Variants in ZNF277 observed in about 807,000 individuals in gnomAD.
The protein encoded by ZNF277 is nuclear receptor-interacting factor 4.
Under a neutral mutation model 60.7 loss-of-function variants are expected in ZNF277, and 55 were observed. The ratio of observed to expected loss-of-function variants is 0.91; its 90% CI spans 0.73 to 1.13. The LOEUF is 1.13. Among genes scored for constraint, ZNF277 ranks in the 50% most tolerant of loss-of-function variants. The pLI is 0.00. For synonymous variants in ZNF277, 178 were observed against 179.3 expected (o/e 0.99, Z 0.06); for missense variants, 510 against 523.0 (o/e 0.98, Z 0.24).
intron 2 of ZNF277, among the ~76,000 whole-genome samples, chr7:112,294,369 T>C (rs1028409986): frequency 6.6e-6 from 1 of 152,200 alleles, no homozygotes; most frequent in African/African-American, 2.4e-5. Flanking sequence ...ATGGATCCAA[T>C]ATGCACTTGC....
chr7:112,318,043 T>C, intron 4 of ZNF277, 139 bp from the exon 5 acceptor site: 1 of 633,280 alleles, frequency 1.6e-6, no homozygotes, highest in Non-Finnish European at 2.8e-6. Context: ...AAAACAGGAA[T>C]GGAGAAATTT....
intron 1 of ZNF277, among the ~76,000 whole-genome samples, chr7:112,247,967 CAA>C (rs10717200): frequency 1.8e-3 from 259 of 144,276 alleles, no homozygotes; most frequent in Non-Finnish European, 1.7e-3. Context: ...AACTCCATCT[CAA>C]AAAAAAAAAA....
chr7:112,333,026 G>C (rs892899335), intron 7 of ZNF277, among the ~76,000 whole-genome samples: 1 of 151,974 alleles, frequency 6.6e-6, no homozygotes, highest in African/African-American at 2.4e-5. Context: ...TGTCTTCTCA[G>C]TATCATGTTA....
chr7:112,217,576 C>T (rs1821919138), intron 1 of ZNF277, among the ~76,000 whole-genome samples: 1 of 152,182 alleles, frequency 6.6e-6, no homozygotes, highest in South Asian at 2.1e-4. Context: ...GGTGTTCATT[C>T]CTGGATATGG....
At chr7:112,262,307 G>A (rs970109939) in intron 1 of ZNF277, among the ~76,000 whole-genome samples, 3 of 150,226 alleles carry the variant, frequency 2.0e-5, no homozygotes, top group Non-Finnish European at 4.4e-5. Context: ...CCAGATTAAT[G>A]GATCTTAAAA....
chr7:112,207,515 C>T (rs1821566328), intron 1 of ZNF277, among the ~76,000 whole-genome samples: 1 of 152,170 alleles, frequency 6.6e-6, no homozygotes, highest in Non-Finnish European at 1.5e-5. Flanking sequence ...GTTTTGAAAA[C>T]CATCACAACT....
At chr7:112,211,931 G>A (rs1443209752) in intron 1 of ZNF277, among the ~76,000 whole-genome samples, 1 of 152,198 alleles carries the variant, frequency 6.6e-6, no homozygotes, top group East Asian at 1.9e-4. Context: ...ACAGTCTAAT[G>A]TTAGAATATG....
intron 1 of ZNF277, among the ~76,000 whole-genome samples, chr7:112,277,837 T>C (rs938137705): frequency 6.6e-6 from 1 of 152,226 alleles, no homozygotes; most frequent in Admixed American, 6.5e-5. Flanking sequence ...CCAGAATAGA[T>C]ATTGTAAAAA....
chr7:112,277,175 C>G (rs971397356), intron 1 of ZNF277, among the ~76,000 whole-genome samples: 11 of 150,654 alleles, frequency 7.3e-5, no homozygotes, highest in African/African-American at 2.7e-4. Context: ...GCTCCGCCTC[C>G]CAGGTTCACA....
chr7:112,327,632 G>A, intron 5 of ZNF277, 85 bp from the exon 6 acceptor site: 1 of 966,726 alleles, frequency 1.0e-6, no homozygotes, highest in Non-Finnish European at 1.6e-6. Context: ...TCTAATTAGT[G>A]TTTTTATTAT....
intron 1 of ZNF277, among the ~76,000 whole-genome samples, chr7:112,256,365 G>A (rs1791306091): frequency 6.7e-6 from 1 of 150,364 alleles, no homozygotes; most frequent in Non-Finnish European, 1.5e-5. Context: ...TTGAGGAAGG[G>A]TATGTTAGCC....
intron 1 of ZNF277, among the ~76,000 whole-genome samples, chr7:112,208,245 G>C (rs62473060): frequency 0.023 from 3,550 of 151,840 alleles, 58 homozygotes; most frequent in Middle Eastern, 0.075. Flanking sequence ...CGTGGTGGCG[G>C]ATGCCTGTAG....
intron 1 of ZNF277, among the ~76,000 whole-genome samples, chr7:112,256,867 T>C (rs1791324761): frequency 6.6e-6 from 1 of 152,236 alleles, no homozygotes; most frequent in Admixed American, 6.5e-5. Context: ...TCTGTTCTTT[T>C]CTTTCTTCTC....
chr7:112,317,703 C>T (rs758927198), intron 4 of ZNF277, among the ~76,000 whole-genome samples: 1 of 151,942 alleles, frequency 6.6e-6, no homozygotes, highest in Non-Finnish European at 1.5e-5. Context: ...CAGGGAGAAC[C>T]TTTAGGAGAC....
intron 5 of ZNF277, among the ~76,000 whole-genome samples, chr7:112,321,908 C>G (rs1473549285): frequency 2.0e-5 from 3 of 152,090 alleles, no homozygotes; most frequent in African/African-American, 7.2e-5. Context: ...TTTCAAGAGA[C>G]TCTCTTCATC....
At chr7:112,236,725 C>T (rs923374835) in intron 1 of ZNF277, among the ~76,000 whole-genome samples, 2 of 152,058 alleles carry the variant, frequency 1.3e-5, no homozygotes, top group African/African-American at 4.8e-5. Flanking sequence ...TAAACACAAT[C>T]TCATCTTTTA....
chr7:112,321,420 A>G (rs1359133844), intron 5 of ZNF277, among the ~76,000 whole-genome samples: 1 of 152,050 alleles, frequency 6.6e-6, no homozygotes, highest in Non-Finnish European at 1.5e-5. Context: ...TTATACCTTT[A>G]TATATTATCA....
At chr7:112,317,241 T>A (rs1015597071) in intron 4 of ZNF277, among the ~76,000 whole-genome samples, 1 of 152,106 alleles carries the variant, frequency 6.6e-6, no homozygotes, top group African/African-American at 2.4e-5. Context: ...ATGGCACATG[T>A]GGCACATGTC....
At chr7:112,231,604 C>G (rs1822332743) in intron 1 of ZNF277, among the ~76,000 whole-genome samples, 1 of 151,880 alleles carries the variant, frequency 6.6e-6, no homozygotes, top group Admixed American at 6.6e-5. Context: ...TTCCATCTCC[C>G]CATCCTCCCT....
Sources: allele counts gnomAD v4.1 joint callset (sites outside exome capture counted in the v4.1 genomes callset), GRCh38; gene constraint gnomAD v4.1.1; transcripts MANE v1.5; gene names NCBI Gene and HGNC (gene_info 2026-07-23, HGNC 2026-07-21).